COG5: variants seen among roughly 807,000 people sequenced by gnomAD.
COG5 encodes the protein component of oligomeric golgi complex 5, also known as conserved oligomeric Golgi complex subunit 5.
In COG5, 86 loss-of-function variants were observed where a neutral mutation model predicts 110.4. The observed-to-expected ratio is 0.78, with a 90% CI of 0.65 to 0.93. COG5 has a LOEUF of 0.93. COG5 is among the 40% of genes least tolerant of loss of function. The pLI, the probability that COG5 is intolerant of heterozygous loss-of-function variation, is 0.00. For missense variants in COG5, 1,077 were observed against 987.0 expected (o/e 1.09, Z -1.22); for synonymous variants, 360 against 334.6 (o/e 1.08, Z -0.83).
intron 11 of COG5, among the ~76,000 whole-genome samples, chr7:107,302,168 A>T (rs1483004673): frequency 6.6e-6 from 1 of 152,206 alleles, no homozygotes; most frequent in African/African-American, 2.4e-5. Flanking sequence ...AAACAAACTA[A>T]TATATCCATG....
chr7:107,263,328 T>G (rs1455460593), intron 14 of COG5, among the ~76,000 whole-genome samples: 1 of 152,228 alleles, frequency 6.6e-6, no homozygotes, highest in East Asian at 1.9e-4. Flanking sequence ...TGGTTGTTTT[T>G]TCAAAGCCTA....
chr7:107,552,728 C>G (rs1330944681), intron 3 of COG5, among the ~76,000 whole-genome samples: 1 of 152,120 alleles, frequency 6.6e-6, no homozygotes, highest in Admixed American at 6.6e-5. Flanking sequence ...TCAAATAACT[C>G]AGAACTACCA....
At chr7:107,259,806 T>A (rs1199537440) in intron 14 of COG5, among the ~76,000 whole-genome samples, 1 of 152,082 alleles carries the variant, frequency 6.6e-6, no homozygotes, top group African/African-American at 2.4e-5. Flanking sequence ...TAGATATGCT[T>A]GCTGCTAGAA....
chr7:107,333,275 C>T (rs942260383), intron 10 of COG5, among the ~76,000 whole-genome samples: 30 of 152,254 alleles, frequency 2.0e-4, no homozygotes, highest in African/African-American at 7.0e-4. Flanking sequence ...ATAAAAATTT[C>T]TCTTTGTTGA....
At chr7:107,404,979 T>C (rs982165843) in intron 7 of COG5, among the ~76,000 whole-genome samples, 3 of 151,252 alleles carry the variant, frequency 2.0e-5, no homozygotes, top group Admixed American at 6.6e-5. Context: ...AAATGGAGAC[T>C]TCCTAAAAAA....
chr7:107,215,051 G>A (rs944218774), intron 19 of COG5, among the ~76,000 whole-genome samples: 2 of 151,904 alleles, frequency 1.3e-5, no homozygotes, highest in Non-Finnish European at 2.9e-5. Flanking sequence ...TAGAGTTGTT[G>A]TATGTTATCA....
At chr7:107,269,655 T>C (rs1017003516) in intron 14 of COG5, among the ~76,000 whole-genome samples, 3 of 152,188 alleles carry the variant, frequency 2.0e-5, no homozygotes, top group Non-Finnish European at 4.4e-5. Flanking sequence ...TTAGTCACTA[T>C]TATTTCTTAT....
At chr7:107,289,525 T>C (rs1329471420) in intron 12 of COG5, among the ~76,000 whole-genome samples, 1 of 152,176 alleles carries the variant, frequency 6.6e-6, no homozygotes, top group Non-Finnish European at 1.5e-5. Flanking sequence ...TGTTACTTTT[T>C]ACAAAGAACT....
intron 11 of COG5, among the ~76,000 whole-genome samples, chr7:107,311,070 A>C (rs1266447239): frequency 6.6e-6 from 1 of 152,246 alleles, no homozygotes; most frequent in Non-Finnish European, 1.5e-5. Context: ...ATCATGCAAC[A>C]AATAGCCCGG....
intron 12 of COG5, among the ~76,000 whole-genome samples, chr7:107,297,711 TTGAC>T (rs1375698290): frequency 6.6e-6 from 1 of 152,098 alleles, no homozygotes; most frequent in Non-Finnish European, 1.5e-5. Flanking sequence ...TGTTAACACA[TTGAC>T]TGAGAACCTA....
chr7:107,537,503 G>A (rs1056629852), intron 5 of COG5, among the ~76,000 whole-genome samples: 2 of 151,884 alleles, frequency 1.3e-5, no homozygotes, highest in African/African-American at 2.4e-5. Flanking sequence ...AAAACCAAAC[G>A]CTGCATATTC....
intron 6 of COG5, among the ~76,000 whole-genome samples, chr7:107,426,920 C>T (rs1289371045): frequency 6.6e-6 from 1 of 152,048 alleles, no homozygotes; most frequent in African/African-American, 2.4e-5. Flanking sequence ...AACTAGGAAC[C>T]CTAACTTCAG....
intron 6 of COG5, among the ~76,000 whole-genome samples, chr7:107,434,477 A>C (rs1794227254): frequency 6.6e-6 from 1 of 152,218 alleles, no homozygotes; most frequent in Non-Finnish European, 1.5e-5. Flanking sequence ...TACACTGGGT[A>C]CAGTGTGTAC....
Position 107,447,231 on chromosome 7 carries a change from C to T in COG5, c.539-34599G>A, listed in dbSNP as rs1295969883. Among the ~76,000 whole-genome samples, 6 of 152,278 alleles carry T rather than the reference C, an allele frequency of 3.9e-5. No homozygotes were observed. In the East Asian group the frequency reaches 1.2e-3, roughly 29 times the overall value. On this transcript the variant is annotated intron_variant, in intron 6 of 21. Coordinates refer to ENST00000297135, the MANE Select transcript of COG5 (RefSeq NM_006348.5). ...TTGAATCTCTCTGAACACCCTTCTG[C>T]CTCACCTCTCTGACTCATCTCTTCC...
chr7:107,227,829 C>G (rs1800467492), intron 19 of COG5, among the ~76,000 whole-genome samples: 1 of 152,142 alleles, frequency 6.6e-6, no homozygotes, highest in Non-Finnish European at 1.5e-5. Flanking sequence ...CCACCTCAGC[C>G]TTCCAAGTAG....
chr7:107,473,299 T>C (rs987205746), intron 6 of COG5, among the ~76,000 whole-genome samples: 5 of 151,960 alleles, frequency 3.3e-5, no homozygotes, highest in African/African-American at 9.7e-5. Flanking sequence ...AATCATTTCA[T>C]AGGAGTGATT....
At position 107,283,635 on chromosome 7, in the gene COG5, G is replaced by C. The variant is rs1196095235; in HGVS notation, c.1411C>G (p.Pro471Ala). 1 of 1,613,900 alleles carries C rather than the reference G, an allele frequency of 6.2e-7. No homozygotes were observed. Among genetic ancestry groups the C allele is most frequent in the Admixed American group, 1.7e-5 (1 of 60,006 alleles). ...GAAGGAGGATTACGACCACCCGGGG[G>C]AAAAACCAAGTTGATAGGATCGAAG... The part of the protein sequence containing the change: ...RLFDPINLVF[P>A]PGGRNPPSSD... Residue 471 changes from proline to alanine, a missense_variant, in exon 13 of 22, where the codon CCC (proline) becomes GCC (alanine). Pro to Ala is a conservative substitution (Grantham distance 27). Transcript: ENST00000297135.
intron 6 of COG5, among the ~76,000 whole-genome samples, chr7:107,430,679 A>G (rs995122512): frequency 3.3e-5 from 5 of 152,216 alleles, no homozygotes; most frequent in African/African-American, 1.2e-4. Flanking sequence ...GACTGCACTG[A>G]ATCTATAAAA....
intron 19 of COG5, among the ~76,000 whole-genome samples, chr7:107,226,801 C>T (rs1434005583): frequency 6.6e-6 from 1 of 152,110 alleles, no homozygotes; most frequent in Non-Finnish European, 1.5e-5. Flanking sequence ...TTGTATCAGT[C>T]CCATCAAACA....
Sources: allele counts gnomAD v4.1 joint callset (sites outside exome capture counted in the v4.1 genomes callset), GRCh38; gene constraint gnomAD v4.1.1; transcripts MANE v1.5; gene names NCBI Gene and HGNC (gene_info 2026-07-23, HGNC 2026-07-21).